MMRN1: variants seen among roughly 807,000 people sequenced by gnomAD.
The protein encoded by MMRN1 is multimerin-1.
MMRN1 carries 94 observed loss-of-function variants against 100.7 expected under a neutral mutation model. That is an observed-to-expected ratio of 0.93 (90% confidence interval 0.79 to 1.11). The LOEUF is 1.11. Among genes scored for constraint, MMRN1 ranks in the 50% least tolerant of loss-of-function variants. The pLI is 0.00. For missense variants in MMRN1, 1,606 were observed against 1,439.1 expected (o/e 1.12, Z -1.88); for synonymous variants, 575 against 505.0 (o/e 1.14, Z -1.86).
intron 6 of MMRN1, among the ~76,000 whole-genome samples, chr4:89,938,505 AT>A (rs1323090769): frequency 5.3e-5 from 5 of 93,738 alleles, no homozygotes; most frequent in South Asian, 3.1e-4. Context: ...ATATATATAT[AT>A]ATATATTTAA....
At chr4:89,905,571 G>T (rs1270618852) in intron 1 of MMRN1, among the ~76,000 whole-genome samples, 4 of 151,372 alleles carry the variant, frequency 2.6e-5, no homozygotes, top group Non-Finnish European at 5.9e-5. Flanking sequence ...GAGGTGTGAG[G>T]GGTTATTACT....
upstream of MMRN1, among the ~76,000 whole-genome samples, chr4:89,890,759 G>A (rs951736057): frequency 6.6e-6 from 1 of 151,944 alleles, no homozygotes; most frequent in African/African-American, 2.4e-5. Context: ...GCAATGACAT[G>A]GTTTTGTGAA....
chr4:89,927,517 A>G (rs1301517209), intron 4 of MMRN1, among the ~76,000 whole-genome samples: 1 of 151,942 alleles, frequency 6.6e-6, no homozygotes, highest in African/African-American at 2.4e-5. Flanking sequence ...TTTTTGGTGG[A>G]GTCTTCAGGT....
chr4:89,888,991 T>C (rs1478931767), intron 1 of MMRN1, among the ~76,000 whole-genome samples: 1 of 152,136 alleles, frequency 6.6e-6, no homozygotes. Flanking sequence ...ATTTTTATTG[T>C]ATGAGGCATT....
upstream of MMRN1, among the ~76,000 whole-genome samples, chr4:89,891,759 T>C (rs894111993): frequency 3.3e-5 from 5 of 152,072 alleles, no homozygotes; most frequent in Non-Finnish European, 4.4e-5. Flanking sequence ...ATATGTCTTA[T>C]GGAGGAAGGT....
intron 1 of MMRN1, among the ~76,000 whole-genome samples, chr4:89,908,725 TA>T (rs1251488180): frequency 6.6e-6 from 1 of 151,528 alleles, no homozygotes; most frequent in Non-Finnish European, 1.5e-5. Context: ...AGTATTGTAT[TA>T]ACTCATAAAC....
intron 6 of MMRN1, among the ~76,000 whole-genome samples, chr4:89,939,539 T>C (rs1313662643): frequency 6.6e-6 from 1 of 152,114 alleles, no homozygotes; most frequent in Non-Finnish European, 1.5e-5. Context: ...GTAAGTATTA[T>C]TATTTATTCT....
At position 89,920,707 on chromosome 4, in the gene MMRN1, A is replaced by G. The variant is rs545401844; in HGVS notation, c.851-2461A>G. Reference sequence around the variant, plus strand: ...TAATATATCTAGTATTTTCTGCATTATAACAATGAATTTACCTCTTAGAAG... The same window carrying G: ...TAATATATCTAGTATTTTCTGCATTGTAACAATGAATTTACCTCTTAGAAG... On this transcript the variant is annotated intron_variant, in intron 3 of 7. Coordinates refer to ENST00000264790, the MANE Select transcript of MMRN1 (RefSeq NM_007351.3). 7.5e-4 allele frequency among the ~76,000 whole-genome samples: 114 copies of G among 152,252 alleles called. 1 individual carries two copies. Among genetic ancestry groups the G allele is most frequent in the Middle Eastern group, 3.4e-3 (1 of 294 alleles).
At chr4:89,891,904 C>T (rs552501875), upstream of MMRN1, among the ~76,000 whole-genome samples, 45 of 152,084 alleles carry the variant, frequency 3.0e-4, 1 homozygote, top group South Asian at 7.7e-3. Flanking sequence ...CAACATTTTA[C>T]AAAGAATAAG....
intron 3 of MMRN1, among the ~76,000 whole-genome samples, chr4:89,920,954 C>T (rs143639132): frequency 3.7e-4 from 56 of 150,956 alleles, no homozygotes; most frequent in Non-Finnish European, 2.5e-4. Context: ...TTTCCATCTA[C>T]GAGGAAAAAA....
chr4:89,923,551 A>C (rs1425523582), intron 4 of MMRN1, among the ~76,000 whole-genome samples: 2 of 152,206 alleles, frequency 1.3e-5, no homozygotes, highest in Non-Finnish European at 2.9e-5. Flanking sequence ...AGTTTTCCAA[A>C]ATAAGACCAA....
At chr4:89,944,950 A>T (rs1213875809) in intron 6 of MMRN1, among the ~76,000 whole-genome samples, 1 of 152,180 alleles carries the variant, frequency 6.6e-6, no homozygotes, top group African/African-American at 2.4e-5. Flanking sequence ...AACCTTCACC[A>T]TAATCAAGAT....
intron 6 of MMRN1, among the ~76,000 whole-genome samples, chr4:89,950,410 C>T (rs6854896): frequency 0.27 from 41,257 of 151,922 alleles, 6,406 homozygotes; most frequent in Non-Finnish European, 0.35. Context: ...TGATAAATAT[C>T]GTCACATTGT....
intron 5 of MMRN1, among the ~76,000 whole-genome samples, chr4:89,934,127 T>C (rs1722528901): frequency 1.3e-5 from 2 of 152,076 alleles, no homozygotes; most frequent in African/African-American, 4.8e-5. Context: ...ACTTGCAAGT[T>C]TTCTCTTCTC....
In MMRN1 at chr4:89,909,256, A is replaced by G. The variant is rs373333681; in HGVS notation, c.624-20A>G. The G allele has an allele frequency of 2.6e-6, 4 of 1,561,252 alleles. No homozygotes were observed. The African/African-American group carries it at 5.6e-5, about 22-fold the overall frequency. Reference sequence around the variant, plus strand: ...TTTTTTGACAACAGTTTTTTCCCTAACAATTATGATCTTCTTTAGGAATTG... The same window carrying G: ...TTTTTTGACAACAGTTTTTTCCCTAGCAATTATGATCTTCTTTAGGAATTG... On this transcript the variant is annotated intron_variant, in intron 1 of 7. Transcript: ENST00000264790.
intron 3 of MMRN1, among the ~76,000 whole-genome samples, chr4:89,922,332 C>G (rs1223582639): frequency 1.3e-5 from 2 of 152,044 alleles, no homozygotes; most frequent in Non-Finnish European, 2.9e-5. Flanking sequence ...GTCTTGAGCT[C>G]CGACCTCAAG....
At chr4:89,897,822 C>G (rs1057414192) in intron 1 of MMRN1, among the ~76,000 whole-genome samples, 14 of 152,062 alleles carry the variant, frequency 9.2e-5, no homozygotes, top group African/African-American at 3.4e-4. Context: ...AAGGAATATT[C>G]CCTATAAAAA....
rs1560602449 is a variant in MMRN1 at position 89,953,378 on chromosome 4, C to G, written c.3647C>G (p.Pro1216Arg). The change falls in exon 8 of 8, where the codon CCT becomes CGT. Residue 1216 changes from proline to arginine, a missense_variant. By Grantham distance (103) the Pro-to-Arg change is moderately radical (BLOSUM62 -2). Coordinates refer to ENST00000264790, the MANE Select transcript of MMRN1 (RefSeq NM_007351.3). Reference sequence around the variant, plus strand: ...GGAACAATTCCAGCCAAGTTTCCCCCTGTTACTACATTTAGTGGCTATTTA... The same window carrying G: ...GGAACAATTCCAGCCAAGTTTCCCCGTGTTACTACATTTAGTGGCTATTTA... ...AKGTIPAKFP[P>R]VTTFSGYLLY... is the part of the protein sequence containing the mutation. 6.2e-7 allele frequency: 1 copy of G among 1,612,182 alleles called. No homozygotes were observed. Among genetic ancestry groups the G allele is most frequent in the East Asian group, 2.2e-5 (1 of 44,844 alleles).
intron 6 of MMRN1, among the ~76,000 whole-genome samples, chr4:89,939,117 C>T (rs1722745257): frequency 6.6e-6 from 1 of 152,060 alleles, no homozygotes; most frequent in African/African-American, 2.4e-5. Context: ...AAGAATAGAA[C>T]AATTGCAGAA....
Sources: gnomAD v4.1 joint callset for allele counts (sites outside exome capture counted in the v4.1 genomes callset) on GRCh38, gnomAD v4.1.1 for gene constraint, MANE v1.5 for transcripts, NCBI Gene and HGNC (gene_info 2026-07-23, HGNC 2026-07-21) for gene names.